PITPNC1: variants seen among roughly 807,000 people sequenced by gnomAD.
PITPNC1 encodes cytoplasmic phosphatidylinositol transfer protein 1.
PITPNC1 carries 18 observed loss-of-function variants against 44.7 expected under a neutral mutation model. That is an observed-to-expected ratio of 0.40 (90% CI 0.28 to 0.60). PITPNC1 has a LOEUF of 0.60. Ranked by LOEUF, PITPNC1 falls within the 20% of genes least tolerant of loss-of-function variation. PITPNC1 has a pLI of 0.39. For synonymous variants in PITPNC1, 141 were observed against 149.6 expected (o/e 0.94, Z 0.42); for missense variants, 290 against 418.4 (o/e 0.69, Z 2.68).
At chr17:67,599,018 A>G (rs1417738551) in intron 5 of PITPNC1, among the ~76,000 whole-genome samples, 2 of 35,966 alleles carry the variant, frequency 5.6e-5, no homozygotes, top group African/African-American at 2.8e-4. Flanking sequence ...ATATATATAT[A>G]TATATATATA....
chr17:67,543,125 C>T (rs1173279493), intron 2 of PITPNC1, among the ~76,000 whole-genome samples: 2 of 152,150 alleles, frequency 1.3e-5, no homozygotes, highest in African/African-American at 4.8e-5. Context: ...TAGGAGCCCT[C>T]AGGATCATCT....
intron 8 of PITPNC1, among the ~76,000 whole-genome samples, chr17:67,678,342 G>A (rs1237589766): frequency 6.6e-6 from 1 of 152,210 alleles, no homozygotes; most frequent in African/African-American, 2.4e-5. Context: ...TACTTAGGAT[G>A]AGTGAAGTGG....
At chr17:67,424,868 T>G (rs1376694766) in intron 1 of PITPNC1, among the ~76,000 whole-genome samples, 1 of 151,990 alleles carries the variant, frequency 6.6e-6, no homozygotes, top group South Asian at 2.1e-4. Flanking sequence ...TACATCCAGA[T>G]GGCCTGAAGC....
chr17:67,507,033 T>G (rs2040113264), intron 1 of PITPNC1, among the ~76,000 whole-genome samples: 1 of 152,172 alleles, frequency 6.6e-6, no homozygotes, highest in Non-Finnish European at 1.5e-5. Flanking sequence ...GGTGGTTTCT[T>G]GTAATGACAT....
At chr17:67,398,505 G>T (rs974319097) in intron 1 of PITPNC1, among the ~76,000 whole-genome samples, 1 of 121,862 alleles carries the variant, frequency 8.2e-6, no homozygotes, top group Admixed American at 7.5e-5. Flanking sequence ...GCGACGTGCA[G>T]TTGGGTGTTG....
chr17:67,674,199 T>C (rs1168110799), intron 7 of PITPNC1, among the ~76,000 whole-genome samples: 2 of 151,884 alleles, frequency 1.3e-5, no homozygotes, highest in African/African-American at 4.8e-5. Flanking sequence ...TATTTTAAAA[T>C]GTACAATTAA....
At chr17:67,645,002 CAG>C (rs769653460) in intron 6 of PITPNC1, among the ~76,000 whole-genome samples, 1 of 152,122 alleles carries the variant, frequency 6.6e-6, no homozygotes, top group Non-Finnish European at 1.5e-5. Flanking sequence ...AAAATGGCCT[CAG>C]AGCAGAGCTT....
rs952210873 is a variant in PITPNC1, at chr17:67,696,143, C to G, written c.*3255C>G. ...AGTATTTATTAGCCATGTTGTTGGT[C>G]CTGAAAATAAATCTCTAAGTAGCAC... is the stretch of plus-strand genomic sequence containing the variant. On this transcript the variant is annotated 3_prime_UTR_variant, in exon 9 of 9. Transcript: ENST00000581322. 1 of 152,062 alleles carries G rather than the reference C, an allele frequency of 6.6e-6. No individual in the cohort carries two copies. 9.4% of individuals were successfully genotyped at this position (152,062 alleles called of 1,614,324 possible). A position where few individuals can be genotyped will look rare whatever the true frequency, so the allele number is the denominator to read the frequency against.
intron 1 of PITPNC1, among the ~76,000 whole-genome samples, chr17:67,487,206 G>A (rs1316810656): frequency 1.3e-5 from 2 of 151,948 alleles, no homozygotes; most frequent in Admixed American, 6.6e-5. Context: ...ACAGGTTCTC[G>A]CTTTGTCACC....
At chr17:67,424,334 A>G (rs2038713926) in intron 1 of PITPNC1, among the ~76,000 whole-genome samples, 1 of 152,116 alleles carries the variant, frequency 6.6e-6, no homozygotes, top group African/African-American at 2.4e-5. Flanking sequence ...CCAAACTATA[A>G]CTATGCAAGA....
intron 4 of PITPNC1, among the ~76,000 whole-genome samples, chr17:67,573,100 C>T (rs1000876943): frequency 1.1e-4 from 16 of 152,100 alleles, no homozygotes; most frequent in African/African-American, 3.6e-4. Flanking sequence ...GAATTGGCTA[C>T]GATAATTCTA....
chr17:67,591,902 G>A (rs372650470), intron 5 of PITPNC1, among the ~76,000 whole-genome samples: 1 of 150,510 alleles, frequency 6.6e-6, no homozygotes, highest in South Asian at 2.1e-4. Context: ...TGTAGAGATG[G>A]GCATCTCGCT....
chr17:67,658,381 T>A (rs1033633580), intron 6 of PITPNC1, among the ~76,000 whole-genome samples: 2 of 152,162 alleles, frequency 1.3e-5, no homozygotes. Context: ...TATCTTCACT[T>A]TAACCTTTTT....
At chr17:67,619,735 AC>A (rs1043795834) in intron 5 of PITPNC1, among the ~76,000 whole-genome samples, 3 of 145,008 alleles carry the variant, frequency 2.1e-5, no homozygotes, top group Admixed American at 1.4e-4. Context: ...CTCCCAGCTC[AC>A]CCCCCACCCC....
At chr17:67,410,532 C>G (rs574930648) in intron 1 of PITPNC1, among the ~76,000 whole-genome samples, 88 of 152,098 alleles carry the variant, frequency 5.8e-4, no homozygotes, top group African/African-American at 2.1e-3. Context: ...CACGGGTGTG[C>G]ACTGCCATGC....
intron 1 of PITPNC1, among the ~76,000 whole-genome samples, chr17:67,453,073 C>T (rs1567995573): frequency 1.3e-5 from 2 of 152,164 alleles, no homozygotes; most frequent in Non-Finnish European, 1.5e-5. Context: ...CTTCTGCTCA[C>T]CTGTGAGCTA....
chr17:67,527,556 AGCT>A lies in PITPNC1; in HGVS notation c.49-5244_49-5242del, dbSNP rs2040406437. On this transcript the variant is annotated intron_variant, in intron 1 of 8. Coordinates refer to ENST00000581322, the MANE Select transcript of PITPNC1 (RefSeq NM_012417.4). ...CGTCTCTACTAAAAATACAAAAATT[AGCT>A]GGGTGTGGTGGTGGGCGCCTGTAAC... Among the ~76,000 whole-genome samples the A allele has an allele frequency of 1.3e-5, 2 of 152,118 alleles. 1 individual carries two copies. Among genetic ancestry groups the A allele is most frequent in the South Asian group, 4.1e-4 (2 of 4,822 alleles).
intron 5 of PITPNC1, chr17:67,611,957 G>A (rs1416018405): frequency 1.3e-5 from 2 of 152,204 alleles, no homozygotes; most frequent in Non-Finnish European, 2.9e-5. Flanking sequence ...ACTTATTAGC[G>A]TTTCCTGGCA....
intron 6 of PITPNC1, among the ~76,000 whole-genome samples, chr17:67,652,245 G>A (rs1598935200): frequency 6.6e-6 from 1 of 152,310 alleles, no homozygotes; most frequent in South Asian, 2.1e-4. Flanking sequence ...CAAGATGCAA[G>A]CTCAGCCCCA....
Sources: gnomAD v4.1 joint callset for allele counts (sites outside exome capture counted in the v4.1 genomes callset) on GRCh38, gnomAD v4.1.1 for gene constraint, MANE v1.5 for transcripts, NCBI Gene and HGNC (gene_info 2026-07-23, HGNC 2026-07-21) for gene names.